AVEN: variants seen among roughly 807,000 people sequenced by gnomAD.
The protein encoded by AVEN is apoptosis and caspase activation inhibitor.
AVEN carries 41 observed loss-of-function variants against 38.1 expected under a neutral mutation model. The ratio of observed to expected loss-of-function variants is 1.08; its 90% CI spans 0.84 to 1.40. The LOEUF is 1.40. AVEN is among the 40% of genes most tolerant of loss of function. The pLI, the probability that AVEN is intolerant of heterozygous loss-of-function variation, is 0.00. For synonymous variants in AVEN, 206 were observed against 171.8 expected (o/e 1.20, Z -1.56); for missense variants, 605 against 438.8 (o/e 1.38, Z -3.38).
intron 2 of AVEN, among the ~76,000 whole-genome samples, chr15:33,909,341 A>G (rs891730549): frequency 1.3e-5 from 2 of 152,312 alleles, no homozygotes; most frequent in Middle Eastern, 3.4e-3. Flanking sequence ...CAAACAAACA[A>G]AAAAACCTAA....
chr15:34,032,023 G>GCACACACACACACA (rs10643932), intron 1 of AVEN, among the ~76,000 whole-genome samples: 1 of 148,944 alleles, frequency 6.7e-6, no homozygotes, highest in Non-Finnish European at 1.5e-5. Context: ...GCGCGCACAC[G>GCACACACACACACA]CACACACACA....
chr15:33,870,516 A>G (rs2153034439), intron 4 of AVEN, among the ~76,000 whole-genome samples: 1 of 152,328 alleles, frequency 6.6e-6, no homozygotes, highest in Middle Eastern at 3.4e-3. Flanking sequence ...TGTACTTCAC[A>G]GGATGTATTA....
At chr15:33,901,323 G>T (rs1032237790) in intron 2 of AVEN, among the ~76,000 whole-genome samples, 2 of 152,066 alleles carry the variant, frequency 1.3e-5, no homozygotes, top group African/African-American at 4.8e-5. Context: ...TGCCAACAAG[G>T]ACTAGATATT....
intron 2 of AVEN, among the ~76,000 whole-genome samples, chr15:34,068,305 C>G (rs1490818242): frequency 6.6e-6 from 1 of 151,120 alleles, no homozygotes; most frequent in Admixed American, 6.6e-5. Flanking sequence ...ACCTCCCAGA[C>G]TCAAGTGATC....
chr15:33,913,968 TA>T (rs1893018664), intron 2 of AVEN, among the ~76,000 whole-genome samples: 1 of 152,200 alleles, frequency 6.6e-6, no homozygotes, highest in South Asian at 2.1e-4. Context: ...ATAATTTCTT[TA>T]AAAGACAACT....
chr15:33,865,353 G>T, downstream of AVEN: 1 of 670,524 alleles, frequency 1.5e-6, no homozygotes, highest in Non-Finnish European at 2.5e-6. Flanking sequence ...AAAAAAAACT[G>T]CTGAAAATCT....
chr15:34,025,234 G>A (rs985523174), intron 1 of AVEN, among the ~76,000 whole-genome samples: 2 of 152,166 alleles, frequency 1.3e-5, no homozygotes, highest in Non-Finnish European at 2.9e-5. Flanking sequence ...TATGAAGTGT[G>A]GGAGGGAAAT....
At chr15:33,852,556 G>A in the AVEN span, 1 of 156,598 alleles carries the variant, frequency 6.4e-6, no homozygotes, top group Non-Finnish European at 1.4e-5. Flanking sequence ...ATAAACTAAA[G>A]GTGATTCCCA....
At chr15:33,860,331 A>G (rs1374415366) in intron 11 of AVEN, among the ~76,000 whole-genome samples, 1 of 152,174 alleles carries the variant, frequency 6.6e-6, no homozygotes, top group Non-Finnish European at 1.5e-5. Context: ...ATAGGAGACC[A>G]ACCAGGGAGA....
chr15:33,913,735 C>G (rs1224018923), intron 2 of AVEN, among the ~76,000 whole-genome samples: 1 of 152,032 alleles, frequency 6.6e-6, no homozygotes, highest in African/African-American at 2.4e-5. Context: ...AATATTTTTC[C>G]CATAAAGTCA....
chr15:34,023,195 A>G (rs1597363112), intron 1 of AVEN, among the ~76,000 whole-genome samples: 1 of 151,230 alleles, frequency 6.6e-6, no homozygotes, highest in African/African-American at 2.4e-5. Flanking sequence ...AAAAAAAAGG[A>G]AAAGAACAAT....
At chr15:33,919,079 G>A (rs777939589) in intron 2 of AVEN, among the ~76,000 whole-genome samples, 7 of 151,664 alleles carry the variant, frequency 4.6e-5, no homozygotes, top group Non-Finnish European at 4.4e-5. Flanking sequence ...TGCCCATCAC[G>A]CCCGGCTAAT....
In AVEN at chr15:33,918,156, T is replaced by C. The variant is rs1330870557; in HGVS notation, c.446-42161A>G. 5.3e-5 allele frequency among the ~76,000 whole-genome samples: 8 copies of C among 152,324 alleles called. No individual in the cohort carries two copies. The East Asian group carries it at 1.5e-3, about 29-fold the overall frequency. ...ACAAAGACAAAAATAAGTTGTTTCATTCTAAGCTTTCTGATATAAAAGCAG... is the reference window on the plus strand; with the variant it reads ...ACAAAGACAAAAATAAGTTGTTTCACTCTAAGCTTTCTGATATAAAAGCAG... On this transcript the variant is annotated intron_variant, in intron 2 of 5. Transcript: ENST00000306730.
At chr15:33,964,345 G>C (rs1597281481) in intron 2 of AVEN, among the ~76,000 whole-genome samples, 1 of 152,252 alleles carries the variant, frequency 6.6e-6, no homozygotes. Flanking sequence ...AATTAGGAAA[G>C]AGCCAAATAA....
intron 3 of AVEN, among the ~76,000 whole-genome samples, chr15:33,875,579 A>G (rs1891189048): frequency 6.6e-6 from 1 of 152,204 alleles, no homozygotes; most frequent in Non-Finnish European, 1.5e-5. Context: ...GAGACAGAAA[A>G]CTAATTTTCA....
At chr15:33,997,258 G>C (rs949899171) in intron 2 of AVEN, among the ~76,000 whole-genome samples, 2 of 152,102 alleles carry the variant, frequency 1.3e-5, no homozygotes, top group East Asian at 3.9e-4. Context: ...CTCATATCAG[G>C]AGATACCTGC....
At chr15:33,882,252 C>A (rs1440492118) in intron 2 of AVEN, among the ~76,000 whole-genome samples, 1 of 152,116 alleles carries the variant, frequency 6.6e-6, no homozygotes. Flanking sequence ...AATATTAGGC[C>A]TACAAAATCC....
At chr15:33,870,772 T>A (rs1200742484) in intron 4 of AVEN, among the ~76,000 whole-genome samples, 163 bp downstream of exon 4, 1 of 152,200 alleles carries the variant, frequency 6.6e-6, no homozygotes, top group Admixed American at 6.5e-5. Context: ...CTTCAAAAAA[T>A]TTTTGGATTC....
intron 2 of AVEN, among the ~76,000 whole-genome samples, chr15:34,000,450 C>T (rs749055985): frequency 2.0e-5 from 3 of 152,144 alleles, no homozygotes; most frequent in Non-Finnish European, 1.5e-5. Context: ...GCAGAGATGA[C>T]GAACACCAGG....
Sources: allele counts gnomAD v4.1 joint callset (sites outside exome capture counted in the v4.1 genomes callset), GRCh38; gene constraint gnomAD v4.1.1; transcripts MANE v1.5; gene names NCBI Gene and HGNC (gene_info 2026-07-23, HGNC 2026-07-21).